The following PCDHA1 variants were observed in gnomAD, a reference collection of about 807,000 sequenced individuals.
The protein encoded by PCDHA1 is protocadherin alpha 1, also known as protocadherin alpha-1.
PCDHA1 carries 42 observed loss-of-function variants against 61.3 expected under a neutral mutation model. That is an observed-to-expected ratio of 0.69 (90% CI 0.54 to 0.89). The LOEUF is 0.89. PCDHA1 is among the 40% of genes least tolerant of loss of function. The pLI is 0.00. For synonymous variants in PCDHA1, 610 were observed against 553.8 expected, an observed-to-expected ratio of 1.10 and a Z score of -1.43; for missense variants, 1,256 against 1,235.3, an observed-to-expected ratio of 1.02 and a Z score of -0.25.
Position 140,843,574 on chromosome 5 carries a change from G to T in PCDHA1, c.2394+54890G>T, listed in dbSNP as rs2150362915. On this transcript the variant is annotated intron_variant, in intron 1 of 3. Transcript: ENST00000504120. ...GTGCGGTGGGGAGCTGGTCATACTC[G>T]CAACAACAGCCGCAGAGGGTGTGCT... 67 of 1,595,908 alleles carry T rather than the reference G, an allele frequency of 4.2e-5. 3 individuals are homozygous for T. The East Asian group carries it at 1.4e-3, about 34-fold the overall frequency.
intron 3 of PCDHA1, among the ~76,000 whole-genome samples, chr5:141,002,682 G>T (rs536105955): frequency 6.6e-6 from 1 of 152,140 alleles, no homozygotes; most frequent in Non-Finnish European, 1.5e-5. Flanking sequence ...CCTATACGAC[G>T]TGCAGATTTG....
intron 1 of PCDHA1, chr5:140,877,134 C>T (rs1339173132): frequency 1.4e-5 from 22 of 1,613,594 alleles, no homozygotes; most frequent in Non-Finnish European, 1.8e-5. Flanking sequence ...TGCAGGTGTT[C>T]GTGCTGGACG....
rs1382251688 is a variant in PCDHA1, at chr5:141,010,812, C to A, written c.*875C>A. The A allele has an allele frequency of 6.5e-6, 1 of 153,746 alleles. No homozygotes were observed. Among genetic ancestry groups the A allele is most frequent in the Non-Finnish European group, 1.5e-5 (1 of 68,054 alleles). The allele number at this position is 153,746 out of a possible 1,614,324, so 9.5% of individuals were successfully genotyped here. On this transcript the variant is annotated 3_prime_UTR_variant, in exon 4 of 4. Coordinates refer to ENST00000504120, the MANE Select transcript of PCDHA1 (RefSeq NM_018900.4). The stretch of plus-strand genomic sequence containing the variant: ...GCAAAAGAAAACCCCGACACCTCAC[C>A]TTTCGCTGTTTGTTGTTTCATAGAT...
rs144742806 is a variant in PCDHA1, at chr5:140,787,592, G to T, written c.1302G>T (p.Ser434=). ...VVTARDGGSP[S]LWATARVSVE... ...CCGCGCGGGACGGGGGCTCGCCTTCGCTGTGGGCCACGGCCAGGGTGTCCG... is the reference window on the plus strand; with the variant it reads ...CCGCGCGGGACGGGGGCTCGCCTTCTCTGTGGGCCACGGCCAGGGTGTCCG... The change falls in exon 1 of 4, where the codon TCG becomes TCT. Residue 434 remains serine (S), a synonymous_variant. Transcript: ENST00000504120. 3.2e-5 allele frequency: 51 copies of T among 1,614,018 alleles called. No individual in the cohort carries two copies. The African/African-American group carries it at 3.5e-4, about 11-fold the overall frequency.
At chr5:140,818,148 C>T (rs1031950816) in intron 1 of PCDHA1, among the ~76,000 whole-genome samples, 23 of 152,282 alleles carry the variant, frequency 1.5e-4, no homozygotes, top group African/African-American at 2.6e-4. Context: ...CCTTCAAATA[C>T]GGCTTCTACT....
At chr5:140,990,740 G>A (rs76434886) in intron 3 of PCDHA1, among the ~76,000 whole-genome samples, 1 of 152,170 alleles carries the variant, frequency 6.6e-6, no homozygotes, top group African/African-American at 2.4e-5. Flanking sequence ...AACAGCCCTA[G>A]GGTGGATACC....
intron 1 of PCDHA1, chr5:140,875,640 G>A (rs782266115): frequency 2.5e-6 from 4 of 1,613,688 alleles, no homozygotes; most frequent in Non-Finnish European, 3.4e-6. Context: ...GGCTGGAGCT[G>A]GCGGAGCTGG....
At chr5:140,830,288 A>G in intron 1 of PCDHA1, 1 of 1,613,696 alleles carries the variant, frequency 6.2e-7, no homozygotes, top group East Asian at 2.2e-5. Flanking sequence ...GGGCGCGTGC[A>G]CGGCGGACAA....
chr5:140,969,704 T>A (rs1317094729), intron 1 of PCDHA1, among the ~76,000 whole-genome samples: 2 of 152,172 alleles, frequency 1.3e-5, no homozygotes, highest in African/African-American at 4.8e-5. Context: ...TGCTGTATCA[T>A]CTACAGGGAA....
At position 140,808,439 on chromosome 5, in the gene PCDHA1, G is replaced by A. The variant is rs372913069; in HGVS notation, c.2394+19755G>A. On this transcript the variant is annotated intron_variant, in intron 1 of 3. Transcript: ENST00000504120. ...GGACAGTGCCCTGGACCGCGAGAGC[G>A]TGTCAGCCTATGAGCTGGTGGTGAC... The A allele has an allele frequency of 4.3e-6, 7 of 1,614,184 alleles. No individual in the cohort carries two copies. In the African/African-American group the frequency reaches 5.3e-5, roughly 12 times the overall value.
intron 1 of PCDHA1, chr5:140,966,833 C>G: frequency 2.6e-6 from 4 of 1,563,480 alleles, no homozygotes; most frequent in Non-Finnish European, 3.5e-6. Flanking sequence ...CATGCCCTGG[C>G]TGCTGCTACT....
intron 1 of PCDHA1, among the ~76,000 whole-genome samples, chr5:140,963,686 G>A (rs181667037): frequency 2.7e-4 from 41 of 152,226 alleles, no homozygotes; most frequent in Middle Eastern, 3.4e-3. Flanking sequence ...GTGTTTATCC[G>A]TGTTTGATAT....
chr5:140,954,532 GT>G (rs1274213608), intron 1 of PCDHA1, among the ~76,000 whole-genome samples: 7 of 152,088 alleles, frequency 4.6e-5, no homozygotes, highest in Non-Finnish European at 5.9e-5. Context: ...TGATGTTGAG[GT>G]TTTTTTCATA....
chr5:140,796,374 G>A lies in PCDHA1; in HGVS notation c.2394+7690G>A, dbSNP rs140485421. ...TATTCGTGAAGGAGAACAACCCGCC[G>A]GGCTGCCACATCTTCACGGTGTCAG... is the stretch of plus-strand genomic sequence containing the variant. On this transcript the variant is annotated intron_variant, in intron 1 of 3. Coordinates refer to ENST00000504120, the MANE Select transcript of PCDHA1 (RefSeq NM_018900.4). 3,082 of 1,614,008 alleles carry A rather than the reference G, an allele frequency of 1.9e-3. 56 individuals are homozygous for A. In the African/African-American group the frequency reaches 0.036, roughly 19 times the overall value.
chr5:140,802,866 G>T, intron 1 of PCDHA1: 2 of 1,613,736 alleles, frequency 1.2e-6, no homozygotes, highest in South Asian at 2.2e-5. Flanking sequence ...GTTCGTGCTG[G>T]ACGAGAACGA....
In PCDHA1 at chr5:141,003,093, C is replaced by T. The variant is rs80317990; in HGVS notation, c.2543-6534C>T. 2.0e-4 allele frequency among the ~76,000 whole-genome samples: 30 copies of T among 152,330 alleles called. No individual in the cohort carries two copies. The East Asian group carries it at 5.4e-3, about 27-fold the overall frequency. ...ATGAGGGTGAGTTTAACAGGCCTGG[C>T]ATTTGCTTCACAATCTTCTGGCCCT... On this transcript the variant is annotated intron_variant, in intron 3 of 3. Coordinates refer to ENST00000504120, the MANE Select transcript of PCDHA1 (RefSeq NM_018900.4).
At chr5:140,928,610 C>T (rs935238036) in intron 1 of PCDHA1, 1 of 1,614,254 alleles carries the variant, frequency 6.2e-7, no homozygotes, top group Non-Finnish European at 8.5e-7. Flanking sequence ...GTGCCCCGCT[C>T]TGCCAGGACT....
intron 1 of PCDHA1, among the ~76,000 whole-genome samples, chr5:140,897,219 C>T (rs1169975962): frequency 1.1e-4 from 17 of 152,004 alleles, no homozygotes; most frequent in Admixed American, 1.1e-3. Flanking sequence ...TTTTAGGGTA[C>T]ATGTGCACAA....
intron 1 of PCDHA1, chr5:140,853,906 C>T (rs2042902737): frequency 2.1e-6 from 2 of 955,058 alleles, no homozygotes; most frequent in African/African-American, 1.8e-5. Flanking sequence ...GGTGGCCTGA[C>T]ACCTGCAATC....
Sources: allele counts gnomAD v4.1 joint callset (sites outside exome capture counted in the v4.1 genomes callset), GRCh38; gene constraint gnomAD v4.1.1; transcripts MANE v1.5; gene names NCBI Gene and HGNC (gene_info 2026-07-23, HGNC 2026-07-21).